Variants in CADPS2 observed in about 807,000 individuals in gnomAD.
CADPS2 encodes the protein calcium-dependent secretion activator 2.
CADPS2 carries 93 observed loss-of-function variants against 172.5 expected under a neutral mutation model. The observed-to-expected ratio is 0.54, with a 90% CI of 0.46 to 0.64. The LOEUF is 0.64. Ranked by LOEUF, CADPS2 falls within the 30% of genes least tolerant of loss-of-function variation. CADPS2 has a pLI of 0.00. For synonymous variants in CADPS2, 546 were observed against 555.2 expected, an observed-to-expected ratio of 0.98 and a Z score of 0.23; for missense variants, 1,420 against 1,565.9, an observed-to-expected ratio of 0.91 and a Z score of 1.57.
At chr7:122,332,722 C>T (rs189992514) in intron 28 of CADPS2, among the ~76,000 whole-genome samples, 106 of 152,220 alleles carry the variant, frequency 7.0e-4, no homozygotes, top group African/African-American at 2.5e-3. Context: ...TTACATAACA[C>T]AATAAGTTCG....
chr7:122,702,150 T>C (rs1012405059), intron 2 of CADPS2: 3 of 1,613,616 alleles, frequency 1.9e-6, no homozygotes, highest in African/African-American at 1.3e-5. Context: ...TAGGCAATTG[T>C]GGCAGCCAGG....
chr7:122,697,869 G>T (rs1156454556), intron 2 of CADPS2: 14 of 1,613,102 alleles, frequency 8.7e-6, no homozygotes, highest in Non-Finnish European at 1.2e-5. Flanking sequence ...CCTCCACATG[G>T]ATTACTTTAT....
chr7:122,802,690 G>A (rs964616807), intron 1 of CADPS2, among the ~76,000 whole-genome samples: 1 of 152,158 alleles, frequency 6.6e-6, no homozygotes, highest in Non-Finnish European at 1.5e-5. Flanking sequence ...GTATCACAAT[G>A]ACTGACACAT....
chr7:122,448,774 A>G (rs1265288494), intron 15 of CADPS2, among the ~76,000 whole-genome samples: 1 of 152,150 alleles, frequency 6.6e-6, no homozygotes, highest in African/African-American at 2.4e-5. Context: ...TGAGATATAA[A>G]AAATACTTTG....
rs534161348 is a variant in CADPS2, at chr7:122,638,234, C to T, written c.787-8906G>A. On this transcript the variant is annotated intron_variant, in intron 3 of 29. Transcript: ENST00000449022. Reference sequence around the variant, plus strand: ...CAAGACTATACCCTTTCTGGAAAGCCCTTCAGAGGGAGACATGCCCTGCTC... The same window carrying T: ...CAAGACTATACCCTTTCTGGAAAGCTCTTCAGAGGGAGACATGCCCTGCTC... 9.2e-5 allele frequency among the ~76,000 whole-genome samples: 14 copies of T among 152,190 alleles called. No homozygotes were observed. The South Asian group carries it at 2.9e-3, about 32-fold the overall frequency.
chr7:122,712,902 T>C (rs1008872876), intron 2 of CADPS2, among the ~76,000 whole-genome samples: 1 of 152,026 alleles, frequency 6.6e-6, no homozygotes, highest in South Asian at 2.1e-4. Flanking sequence ...TCTGCTCCCA[T>C]GAGCTAATCA....
intron 17 of CADPS2, among the ~76,000 whole-genome samples, chr7:122,418,822 T>A (rs1481334658): frequency 6.6e-6 from 1 of 152,218 alleles, no homozygotes; most frequent in Non-Finnish European, 1.5e-5. Flanking sequence ...CCATATATTT[T>A]AGCACTAACT....
chr7:122,570,349 G>C (rs867786687), intron 7 of CADPS2, among the ~76,000 whole-genome samples: 6 of 151,930 alleles, frequency 3.9e-5, no homozygotes, highest in African/African-American at 1.5e-4. Flanking sequence ...TCTCACACCA[G>C]TTAGAATGGC....
At chr7:122,810,897 A>C (rs1333383500) in intron 1 of CADPS2, among the ~76,000 whole-genome samples, 1 of 152,094 alleles carries the variant, frequency 6.6e-6, no homozygotes, top group Non-Finnish European at 1.5e-5. Flanking sequence ...CCCAGCCTAA[A>C]AAAATATTGC....
At chr7:122,638,475 G>T (rs139310733) in intron 3 of CADPS2, among the ~76,000 whole-genome samples, 1 of 152,236 alleles carries the variant, frequency 6.6e-6, no homozygotes, top group East Asian at 1.9e-4. Context: ...GGGTTTAGCA[G>T]GTTTTCTGTC....
intron 2 of CADPS2, among the ~76,000 whole-genome samples, chr7:122,670,872 A>T (rs79875316): frequency 6.7e-6 from 1 of 149,934 alleles, no homozygotes; most frequent in Non-Finnish European, 1.5e-5. Flanking sequence ...CCTGTTTCAA[A>T]AAAAAAAAAA....
chr7:122,836,580 G>A (rs894445928), intron 1 of CADPS2, among the ~76,000 whole-genome samples: 2 of 152,088 alleles, frequency 1.3e-5, no homozygotes, highest in Non-Finnish European at 2.9e-5. Context: ...AAGGGATGGA[G>A]GAAGATCTAC....
chr7:122,738,865 A>AAC (rs2092326853), intron 1 of CADPS2, among the ~76,000 whole-genome samples: 1 of 151,812 alleles, frequency 6.6e-6, no homozygotes, highest in African/African-American at 2.4e-5. Flanking sequence ...AAAAAAAAAA[A>AAC]AAAAAACTTT....
intron 1 of CADPS2, among the ~76,000 whole-genome samples, chr7:122,817,168 C>T (rs1386312648): frequency 2.0e-5 from 3 of 152,178 alleles, no homozygotes; most frequent in Non-Finnish European, 2.9e-5. Flanking sequence ...TTCAAACGGA[C>T]GCACATGAAA....
chr7:122,728,841 G>C (rs569311586), intron 2 of CADPS2, among the ~76,000 whole-genome samples: 1 of 151,808 alleles, frequency 6.6e-6, no homozygotes, highest in African/African-American at 2.4e-5. Context: ...CATTTGTAAT[G>C]ATCAAATTAG....
intron 2 of CADPS2, among the ~76,000 whole-genome samples, chr7:122,722,896 C>A (rs2090617755): frequency 1.3e-5 from 2 of 151,942 alleles, no homozygotes; most frequent in Admixed American, 6.6e-5. Context: ...ACAGTCTGAT[C>A]TTTGACAAAC....
intron 11 of CADPS2, among the ~76,000 whole-genome samples, chr7:122,488,475 G>T (rs922757595): frequency 6.6e-6 from 1 of 152,228 alleles, no homozygotes. Context: ...TGAAAATGAT[G>T]TAAGGAATTC....
intron 2 of CADPS2, among the ~76,000 whole-genome samples, chr7:122,708,902 G>C (rs1484576575): frequency 2.6e-5 from 4 of 151,854 alleles, no homozygotes; most frequent in Non-Finnish European, 4.4e-5. Context: ...GAGGTAAATA[G>C]TCTTAAGTAA....
At chr7:122,710,760 T>C (rs1484265955) in intron 2 of CADPS2, among the ~76,000 whole-genome samples, 1 of 152,128 alleles carries the variant, frequency 6.6e-6, no homozygotes, top group African/African-American at 2.4e-5. Flanking sequence ...CTATGACACA[T>C]TATTTTTGTA....
Sources: gnomAD v4.1 joint callset for allele counts (sites outside exome capture counted in the v4.1 genomes callset) on GRCh38, gnomAD v4.1.1 for gene constraint, MANE v1.5 for transcripts, NCBI Gene and HGNC (gene_info 2026-07-23, HGNC 2026-07-21) for gene names.